Variants in EXOC4 observed in about 807,000 individuals in gnomAD.
EXOC4 encodes the protein exocyst complex component 4.
A neutral mutation model predicts 107.2 loss-of-function variants in EXOC4; 71 were observed. The ratio of observed to expected loss-of-function variants is 0.66; its 90% confidence interval spans 0.55 to 0.81. The LOEUF (loss-of-function observed/expected upper bound fraction) is 0.81, where lower values mean the gene tolerates loss of function less well. EXOC4 is among the 30% of genes least tolerant of loss of function. The probability of loss-of-function intolerance (pLI) is 0.00; values close to 1 mark genes in which losing one functional copy is unlikely to be tolerated. For synonymous variants in EXOC4, 456 were observed against 441.2 expected (o/e 1.03, Z -0.42); for missense variants, 1,108 against 1,189.6 (o/e 0.93, Z 1.01).
chr7:133,862,936 TTG>T (rs1278031339), intron 11 of EXOC4, among the ~76,000 whole-genome samples: 2 of 152,158 alleles, frequency 1.3e-5, no homozygotes, highest in African/African-American at 4.8e-5. Flanking sequence ...AATCTCTGAG[TTG>T]TCACACAGAT....
At chr7:134,050,310 T>C (rs1296759086) in intron 17 of EXOC4, among the ~76,000 whole-genome samples, 2 of 152,186 alleles carry the variant, frequency 1.3e-5, no homozygotes, top group African/African-American at 4.8e-5. Flanking sequence ...TTTATAAATA[T>C]TAACTTGCTT....
intron 7 of EXOC4, among the ~76,000 whole-genome samples, chr7:133,401,033 T>A (rs1275102096): frequency 6.6e-6 from 1 of 152,184 alleles, no homozygotes; most frequent in Non-Finnish European, 1.5e-5. Flanking sequence ...AAAAGTTTTT[T>A]AAATGTCCTT....
intron 11 of EXOC4, among the ~76,000 whole-genome samples, chr7:133,865,133 T>C (rs776184959): frequency 6.6e-6 from 1 of 152,152 alleles, no homozygotes; most frequent in Non-Finnish European, 1.5e-5. Context: ...ATAAATTTCA[T>C]GGGACAGGGA....
chr7:133,750,190 C>G (rs1795767162), intron 10 of EXOC4, among the ~76,000 whole-genome samples: 1 of 151,932 alleles, frequency 6.6e-6, no homozygotes, highest in African/African-American at 2.4e-5. Context: ...ACATCCACTT[C>G]CCATTGTCTC....
At chr7:133,571,634 C>T (rs932492159) in intron 9 of EXOC4, among the ~76,000 whole-genome samples, 3 of 150,516 alleles carry the variant, frequency 2.0e-5, no homozygotes, top group East Asian at 2.0e-4. Flanking sequence ...AAGATGGCAC[C>T]ACTGCATGCC....
chr7:133,661,686 AAAC>A (rs1214971496), intron 10 of EXOC4, among the ~76,000 whole-genome samples: 2,993 of 27,336 alleles, frequency 0.11, 416 homozygotes, highest in African/African-American at 0.31. Context: ...AAAAAAAAAA[AAAC>A]AAAAAAAAAA....
At chr7:133,943,257 C>T (rs1028017831) in intron 14 of EXOC4, among the ~76,000 whole-genome samples, 3 of 152,124 alleles carry the variant, frequency 2.0e-5, no homozygotes, top group Non-Finnish European at 4.4e-5. Context: ...AAATGCCTAC[C>T]TAGTTCTATC....
intron 9 of EXOC4, among the ~76,000 whole-genome samples, chr7:133,492,373 G>A (rs1799388389): frequency 6.6e-6 from 1 of 152,066 alleles, no homozygotes; most frequent in Non-Finnish European, 1.5e-5. Context: ...ATAAAAAGAG[G>A]AGTAGTTTTT....
chr7:133,319,531 C>T (rs1294022927), intron 5 of EXOC4, among the ~76,000 whole-genome samples: 2 of 151,980 alleles, frequency 1.3e-5, no homozygotes, highest in Non-Finnish European at 2.9e-5. Flanking sequence ...CTCTTGTGGC[C>T]CGAGCTGGAG....
chr7:134,060,548 C>G (rs932794667), intron 17 of EXOC4, among the ~76,000 whole-genome samples: 2 of 152,202 alleles, frequency 1.3e-5, no homozygotes, highest in African/African-American at 2.4e-5. Flanking sequence ...GAAGACCAAG[C>G]TTTCAATTTC....
At chr7:133,655,635 G>A (rs1268501291) in intron 10 of EXOC4, among the ~76,000 whole-genome samples, 1 of 152,158 alleles carries the variant, frequency 6.6e-6, no homozygotes, top group Non-Finnish European at 1.5e-5. Context: ...CACAGGGTCA[G>A]TGTCATCAAT....
intron 11 of EXOC4, among the ~76,000 whole-genome samples, chr7:133,835,050 G>A (rs1270199882): frequency 6.6e-6 from 1 of 152,170 alleles, no homozygotes; most frequent in Non-Finnish European, 1.5e-5. Flanking sequence ...CTTCTGCCAT[G>A]ATTGTGAGGC....
Position 133,374,989 on chromosome 7 carries a change from A to G in EXOC4, c.1169A>G (p.Gln390Arg), listed in dbSNP as rs1281129851. The G allele has an allele frequency of 6.2e-7, 1 of 1,613,548 alleles. No individual in the cohort carries two copies. The highest frequency in any genetic ancestry group is 1.1e-5 in the South Asian group (1 of 91,046). ...YDMADVWVKI[Q>R]DVLQMLLTEY... ...ATGGCAGATGTATGGGTGAAGATCC[A>G]AGATGTTCTACAGGTAAGAGCCTTT... is the stretch of plus-strand genomic sequence containing the variant. The change falls in exon 7 of 18, where the codon CAA (glutamine) becomes CGA (arginine). Residue 390 changes from glutamine (Q) to arginine (R), a missense_variant. Coordinates refer to ENST00000253861, the MANE Select transcript of EXOC4 (RefSeq NM_021807.4).
At chr7:133,527,646 GA>G (rs980751642) in intron 9 of EXOC4, among the ~76,000 whole-genome samples, 6 of 152,082 alleles carry the variant, frequency 3.9e-5, no homozygotes, top group African/African-American at 1.4e-4. Flanking sequence ...GTGTAGAAGA[GA>G]AAAATTGTGT....
At chr7:134,035,436 GTTAAT>G (rs1795367114) in intron 17 of EXOC4, among the ~76,000 whole-genome samples, 1 of 152,122 alleles carries the variant, frequency 6.6e-6, no homozygotes, top group African/African-American at 2.4e-5. Context: ...GGTTTAGGTA[GTTAAT>G]TTAAATTACA....
At chr7:133,558,072 T>A (rs1800728934) in intron 9 of EXOC4, among the ~76,000 whole-genome samples, 1 of 152,234 alleles carries the variant, frequency 6.6e-6, no homozygotes. Context: ...CTGACCTGTG[T>A]CATATGTGTC....
At chr7:133,961,836 C>A (rs1421330090) in intron 14 of EXOC4, among the ~76,000 whole-genome samples, 3 of 152,206 alleles carry the variant, frequency 2.0e-5, no homozygotes, top group Non-Finnish European at 4.4e-5. Flanking sequence ...ACTCTTTCAA[C>A]AGCAGTAATA....
intron 9 of EXOC4, among the ~76,000 whole-genome samples, chr7:133,602,610 C>A (rs528773285): frequency 1.3e-5 from 2 of 152,188 alleles, no homozygotes; most frequent in Non-Finnish European, 2.9e-5. Flanking sequence ...TTCCTAAAGC[C>A]TAATTCATCT....
At chr7:133,828,386 G>A (rs948219818) in intron 11 of EXOC4, among the ~76,000 whole-genome samples, 12 of 152,166 alleles carry the variant, frequency 7.9e-5, no homozygotes, top group African/African-American at 1.9e-4. Context: ...ATTGCTGATC[G>A]TGCGAGATTA....
Sources: gnomAD v4.1 joint callset for allele counts (sites outside exome capture counted in the v4.1 genomes callset) on GRCh38, gnomAD v4.1.1 for gene constraint, MANE v1.5 for transcripts, NCBI Gene and HGNC (gene_info 2026-07-23, HGNC 2026-07-21) for gene names.